DCUN1D4: variants seen among roughly 807,000 people sequenced by gnomAD.
DCUN1D4 encodes the protein DCN1-like protein 4.
A neutral mutation model predicts 47.9 loss-of-function variants in DCUN1D4; 22 were observed. That is an observed-to-expected ratio of 0.46 (90% confidence interval 0.33 to 0.66). The LOEUF is 0.66. Ranked by LOEUF, DCUN1D4 falls within the 30% of genes least tolerant of loss-of-function variation. DCUN1D4 has a pLI of 0.02. For missense variants in DCUN1D4, 301 were observed against 340.8 expected, an observed-to-expected ratio of 0.88 and a Z score of 0.92; for synonymous variants, 121 against 112.2, an observed-to-expected ratio of 1.08 and a Z score of -0.50.
At chr4:51,871,511 T>C (rs918179303) in intron 3 of DCUN1D4, among the ~76,000 whole-genome samples, 1 of 152,192 alleles carries the variant, frequency 6.6e-6, no homozygotes, top group East Asian at 1.9e-4. Flanking sequence ...TTCTTATGGA[T>C]TGAGGCGATA....
intron 8 of DCUN1D4, among the ~76,000 whole-genome samples, chr4:51,908,381 A>G (rs147922336): frequency 6.6e-6 from 1 of 152,106 alleles, no homozygotes. Context: ...TTTAACCTTG[A>G]TGGGCCTTCT....
chr4:51,843,365 A>G (rs1721895860), intron 1 of DCUN1D4, 98 bp downstream of exon 1: 6 of 1,399,396 alleles, frequency 4.3e-6, no homozygotes, highest in Middle Eastern at 2.5e-4. Context: ...GGGTCCCGAA[A>G]CGCGCCGGGA....
intron 1 of DCUN1D4, chr4:51,843,769 G>GC: frequency 4.2e-6 from 4 of 959,224 alleles, no homozygotes; most frequent in Non-Finnish European, 3.7e-6. Context: ...CGCGGGGGCG[G>GC]GGACAATGGG....
chr4:51,859,684 C>A (rs1468080592), intron 1 of DCUN1D4, among the ~76,000 whole-genome samples: 9 of 141,750 alleles, frequency 6.3e-5, no homozygotes, highest in African/African-American at 1.9e-4. Flanking sequence ...AGTTTATGCC[C>A]AATCAGCAGT....
At chr4:51,860,760 A>G in intron 1 of DCUN1D4, 1 of 382,980 alleles carries the variant, frequency 2.6e-6, no homozygotes, top group South Asian at 2.0e-5. Context: ...ATCCGCCCCC[A>G]TGATCCAAAC....
intron 3 of DCUN1D4, chr4:51,865,651 CATACT>C (rs1230929413): frequency 6.6e-6 from 1 of 152,094 alleles, no homozygotes; most frequent in Admixed American, 6.6e-5. Flanking sequence ...TTGGTGATAT[CATACT>C]GTACGTGTTA....
intron 7 of DCUN1D4, 141 bp from the exon 8 acceptor site, chr4:51,899,129 G>T: frequency 1.5e-6 from 2 of 1,345,480 alleles, no homozygotes; most frequent in Non-Finnish European, 9.6e-7. Context: ...TTTTTTTTAA[G>T]TGTAGAAAAA....
intron 7 of DCUN1D4, among the ~76,000 whole-genome samples, chr4:51,892,469 G>A (rs1560502713): frequency 2.0e-5 from 3 of 152,148 alleles, no homozygotes; most frequent in Admixed American, 1.3e-4. Flanking sequence ...TTTATACTTA[G>A]TGAGAAAAAG....
chr4:51,843,183 G>T lies in DCUN1D4; in HGVS notation c.-60G>T, dbSNP rs1294867794. 7 of 1,535,616 alleles carry T rather than the reference G, an allele frequency of 4.6e-6. No individual in the cohort carries two copies. The highest frequency in any genetic ancestry group is 4.2e-5 in the African/African-American group (3 of 71,886). ...CGAGCCGAGGTGCAGTGAGCTGGTGGGGGGACCGCGAGGCGAGCGCGGGAG... is the reference window on the plus strand; with the variant it reads ...CGAGCCGAGGTGCAGTGAGCTGGTGTGGGGACCGCGAGGCGAGCGCGGGAG... On this transcript the variant is annotated 5_prime_UTR_variant, in exon 1 of 11. Coordinates refer to ENST00000334635, the MANE Select transcript of DCUN1D4 (RefSeq NM_001040402.3).
At chr4:51,881,660 TA>T (rs534474397) in intron 5 of DCUN1D4, among the ~76,000 whole-genome samples, 12,031 of 109,890 alleles carry the variant, frequency 0.11, 547 homozygotes, top group East Asian at 0.26. Flanking sequence ...AGATACAAGT[TA>T]AAAAAAAAAA....
chr4:51,908,431 T>G (rs1733223095), intron 8 of DCUN1D4, among the ~76,000 whole-genome samples: 1 of 152,168 alleles, frequency 6.6e-6, no homozygotes, highest in Non-Finnish European at 1.5e-5. Flanking sequence ...TCAAGGTACC[T>G]TCTGTCTAAT....
intron 8 of DCUN1D4, among the ~76,000 whole-genome samples, chr4:51,902,536 C>G (rs1055692516): frequency 6.6e-6 from 1 of 152,188 alleles, no homozygotes; most frequent in Admixed American, 6.5e-5. Context: ...TTGAAGTCTA[C>G]TTCGTCCAAT....
At chr4:51,843,555 T>C in intron 1 of DCUN1D4, 2 of 1,194,490 alleles carry the variant, frequency 1.7e-6, no homozygotes, top group Non-Finnish European at 2.1e-6. Flanking sequence ...GGACGTGCGA[T>C]GAAGGGCCGA....
intron 1 of DCUN1D4, among the ~76,000 whole-genome samples, chr4:51,846,570 C>G (rs190654534): frequency 1.3e-5 from 2 of 152,358 alleles, no homozygotes; most frequent in East Asian, 3.9e-4. Context: ...CAATCATCAT[C>G]TGCTAATTAT....
intron 7 of DCUN1D4, among the ~76,000 whole-genome samples, chr4:51,897,480 C>T (rs1041767546): frequency 4.6e-5 from 7 of 152,152 alleles, no homozygotes; most frequent in African/African-American, 7.2e-5. Flanking sequence ...AGAGAAAATA[C>T]GTATTCAGTG....
At chr4:51,839,158 G>C (rs1577786525), upstream of DCUN1D4, among the ~76,000 whole-genome samples, 9 of 145,832 alleles carry the variant, frequency 6.2e-5, no homozygotes, top group South Asian at 2.0e-3. Flanking sequence ...AAGGAAGGAA[G>C]GAAGGAGAAG....
chr4:51,900,066 T>G (rs1471965657), intron 8 of DCUN1D4, among the ~76,000 whole-genome samples: 5 of 152,224 alleles, frequency 3.3e-5, no homozygotes. Context: ...GAAATGATGT[T>G]TTCTGTTAGG....
intron 7 of DCUN1D4, among the ~76,000 whole-genome samples, chr4:51,896,974 C>A (rs1047374836): frequency 6.6e-6 from 1 of 152,346 alleles, no homozygotes; most frequent in Admixed American, 6.5e-5. Flanking sequence ...CCTCTATCCA[C>A]TCCAGCGACA....
rs1321269454 is a variant in DCUN1D4, at chr4:51,916,049, G to T, written c.*2465G>T. 6.6e-6 allele frequency: 1 copy of T among 152,054 alleles called. No homozygotes were observed. Among genetic ancestry groups the T allele is most frequent in the Non-Finnish European group, 1.5e-5 (1 of 67,976 alleles). The allele number at this position is 152,054 out of a possible 1,614,324, so 9.4% of individuals were successfully genotyped here. Reference sequence around the variant, plus strand: ...ATTTTCTTAAAAACTTCTCTAAGTTGCACAAAACTGAACAATCATCAAGCA... The same window carrying T: ...ATTTTCTTAAAAACTTCTCTAAGTTTCACAAAACTGAACAATCATCAAGCA... On this transcript the variant is annotated 3_prime_UTR_variant, in exon 11 of 11. Transcript: ENST00000334635.
Sources: allele counts gnomAD v4.1 joint callset (sites outside exome capture counted in the v4.1 genomes callset), GRCh38; gene constraint gnomAD v4.1.1; transcripts MANE v1.5; gene names NCBI Gene and HGNC (gene_info 2026-07-23, HGNC 2026-07-21).